The following PSMA5 variants were observed in gnomAD, a reference collection of about 807,000 sequenced individuals.
The protein encoded by PSMA5 is proteasome 20S subunit alpha 5.
In PSMA5, 3 loss-of-function variants were observed where a neutral mutation model predicts 34.5. That is an observed-to-expected ratio of 0.09 (90% confidence interval 0.04 to 0.22). PSMA5 has a LOEUF of 0.22. PSMA5 is among the 10% of genes least tolerant of loss of function. The probability of loss-of-function intolerance (pLI) is 1.00; values close to 1 mark genes in which losing one functional copy is unlikely to be tolerated. For synonymous variants in PSMA5, 88 were observed against 95.8 expected (o/e 0.92, Z 0.47); for missense variants, 120 against 286.1 (o/e 0.42, Z 4.19).
Position 109,409,988 on chromosome 1 carries a change from C to A in PSMA5, c.588G>T (p.Lys196Asn). The change falls in exon 8 of 9, where the codon AAG becomes AAT. Residue 196 changes from lysine to asparagine, a missense_variant. By Grantham distance (94) the Lys-to-Asn change is moderately conservative. Coordinates refer to ENST00000271308, the MANE Select transcript of PSMA5 (RefSeq NM_002790.4). ...CTTGTTTGAGGATGATGAGTGAAGACTTGATGGCTTCTTTCAAAGTCATAG... is the reference window on the plus strand; with the variant it reads ...CTTGTTTGAGGATGATGAGTGAAGAATTGATGGCTTCTTTCAAAGTCATAG... ...HKSMTLKEAIKSSLIILKQVM... is the reference protein window; with the variant it reads ...HKSMTLKEAINSSLIILKQVM... 6.2e-7 allele frequency: 1 copy of A among 1,608,002 alleles called. No homozygotes were observed. The highest frequency in any genetic ancestry group is 8.5e-7 in the Non-Finnish European group (1 of 1,175,448).
chr1:109,410,100 A>G (rs187322291), intron 7 of PSMA5, 86 bp from the exon 8 acceptor site: 1 of 879,494 alleles, frequency 1.1e-6, no homozygotes, highest in East Asian at 2.5e-5. Flanking sequence ...CTCACTGAAA[A>G]AAGTATTTAG....
At chr1:109,402,309 T>G (rs1268749777) in intron 8 of PSMA5, among the ~76,000 whole-genome samples, 1 of 152,234 alleles carries the variant, frequency 6.6e-6, no homozygotes, top group Non-Finnish European at 1.5e-5. Flanking sequence ...TAAGGTTAAC[T>G]CACCACATCA....
intron 1 of PSMA5, 192 bp downstream of exon 1, chr1:109,426,110 T>C (rs2100979329): frequency 4.4e-6 from 3 of 686,982 alleles, no homozygotes; most frequent in East Asian, 2.7e-5. Context: ...GACTCAGCGG[T>C]AGGACAAGTG....
chr1:109,425,982 G>A (rs77433922), intron 1 of PSMA5: 321 of 508,820 alleles, frequency 6.3e-4, no homozygotes, highest in African/African-American at 5.5e-3. Context: ...GATGAACGGA[G>A]CAAAGAGTGA....
At chr1:109,419,206 T>C (rs1383520934) in intron 2 of PSMA5, among the ~76,000 whole-genome samples, 5 of 152,140 alleles carry the variant, frequency 3.3e-5, no homozygotes, top group Admixed American at 1.3e-4. Context: ...AAATGGGTTC[T>C]ACCAAATTGA....
chr1:109,412,158 T>C lies in PSMA5; in HGVS notation c.318A>G (p.Thr106=). 1 of 1,614,062 alleles carries C rather than the reference T, an allele frequency of 6.2e-7. No individual in the cohort carries two copies. The highest frequency in any genetic ancestry group is 8.5e-7 in the Non-Finnish European group (1 of 1,179,920). The change falls in exon 5 of 9, where the codon ACA becomes ACG. Residue 106 remains threonine (T), a synonymous_variant. Coordinates refer to ENST00000271308, the MANE Select transcript of PSMA5 (RefSeq NM_002790.4). ...TQNHWFTYNE[T]MTVESVTQAV... Reference sequence around the variant, plus strand: ...CTTGGGTCACACTCTCCACTGTCATTGTCTCATTGTAGGTGAACCAGTGGT... The same window carrying C: ...CTTGGGTCACACTCTCCACTGTCATCGTCTCATTGTAGGTGAACCAGTGGT...
chr1:109,401,954 A>G lies in PSMA5; in HGVS notation c.*59T>C, dbSNP rs1653549100. 3 of 1,345,650 alleles carry G rather than the reference A, an allele frequency of 2.2e-6. No homozygotes were observed. The highest frequency in any genetic ancestry group is 1.5e-5 in the African/African-American group (1 of 68,364). 83.4% of individuals were successfully genotyped at this position (1,345,650 alleles called of 1,614,324 possible). Reference sequence around the variant, plus strand: ...CCAAGGAACAGGAGCTGGAAATAAAATTTAAGGACATTATTAGAACTGAAA... The same window carrying G: ...CCAAGGAACAGGAGCTGGAAATAAAGTTTAAGGACATTATTAGAACTGAAA... On this transcript the variant is annotated 3_prime_UTR_variant, in exon 9 of 9. Transcript: ENST00000271308.
chr1:109,424,938 G>C lies in PSMA5; in HGVS notation c.29+1364C>G, dbSNP rs184182756. Among the ~76,000 whole-genome samples, 745 of 152,240 alleles carry C rather than the reference G, an allele frequency of 4.9e-3. 5 individuals are homozygous for C. Among genetic ancestry groups the C allele is most frequent in the Non-Finnish European group, 8.0e-3 (544 of 68,034 alleles). ...GGAGGCGGAGGTTGCAGTGAGCCGA[G>C]ATCATGCCACTGCACTGCAGCCTGG... On this transcript the variant is annotated intron_variant, in intron 1 of 8. Transcript: ENST00000271308.
In PSMA5 at chr1:109,420,992, G is replaced by C. The variant is rs985474675; in HGVS notation, c.96+868C>G. Among the ~76,000 whole-genome samples, 33 of 144,514 alleles carry C rather than the reference G, an allele frequency of 2.3e-4. 1 individual carries two copies. The highest frequency in any genetic ancestry group is 8.6e-4 in the African/African-American group (33 of 38,274). The allele number at this position is 144,514 out of a possible 152,430, so 94.8% of individuals were successfully genotyped here. On this transcript the variant is annotated intron_variant, in intron 2 of 8. Coordinates refer to ENST00000271308, the MANE Select transcript of PSMA5 (RefSeq NM_002790.4). The stretch of plus-strand genomic sequence containing the variant: ...GCCCAGGAGTTTGAGACCAACTTGG[G>C]CAACATAGCAAGACCACATCTCTAC...
intron 3 of PSMA5, among the ~76,000 whole-genome samples, chr1:109,413,804 C>A (rs1005091133): frequency 6.6e-6 from 1 of 152,202 alleles, no homozygotes. Flanking sequence ...TTGGCCCTCA[C>A]AATCAATCAG....
intron 8 of PSMA5, among the ~76,000 whole-genome samples, chr1:109,405,229 G>A (rs190841386): frequency 1.3e-5 from 2 of 152,212 alleles, no homozygotes; most frequent in Admixed American, 1.3e-4. Flanking sequence ...TTACCTGTTG[G>A]CCCTACCGTC....
rs367591320 is a variant in PSMA5 at position 109,412,188 on chromosome 1, G to C, written c.292-4C>G. On this transcript the variant is annotated splice_region_variant and splice_polypyrimidine_tract_variant and intron_variant, in intron 4 of 8. Coordinates refer to ENST00000271308, the MANE Select transcript of PSMA5 (RefSeq NM_002790.4). The stretch of plus-strand genomic sequence containing the variant: ...CATTGTAGGTGAACCAGTGGTTCTA[G>C]AAGAAGAGCAAAGCATGGTACAACC... 9 of 1,609,578 alleles carry C rather than the reference G, an allele frequency of 5.6e-6. No homozygotes were observed. Among genetic ancestry groups the C allele is most frequent in the Non-Finnish European group, 7.7e-6 (9 of 1,175,992 alleles).
intron 8 of PSMA5, among the ~76,000 whole-genome samples, chr1:109,406,771 G>A (rs558829890): frequency 2.0e-4 from 31 of 152,180 alleles, no homozygotes; most frequent in Admixed American, 1.1e-3. Flanking sequence ...AAAGGGACAT[G>A]AGAGAACTTT....
intron 5 of PSMA5, 70 bp downstream of exon 5, chr1:109,412,007 T>TA (rs1654009238): frequency 6.3e-7 from 1 of 1,583,746 alleles, no homozygotes; most frequent in African/African-American, 1.3e-5. Context: ...CTGGGAATGT[T>TA]ATGTTCACAG....
chr1:109,415,204 G>A, intron 3 of PSMA5, 33 bp downstream of exon 3: 1 of 1,602,100 alleles, frequency 6.2e-7, no homozygotes, highest in Non-Finnish European at 8.5e-7. Context: ...ACCCAGACCA[G>A]ATCCTACAGA....
rs1389418352 is a variant in PSMA5, at chr1:109,411,122, C to T, written c.459-9G>A. The T allele has an allele frequency of 2.5e-6, 4 of 1,602,940 alleles. No homozygotes were observed. The highest frequency in any genetic ancestry group is 3.4e-6 in the Non-Finnish European group (4 of 1,172,008). ...ATGGGTCCATATGAAACCTGCAAAA[C>T]CCCCAAAATGAGGACTAAAATGCTC... On this transcript the variant is annotated splice_polypyrimidine_tract_variant and intron_variant, in intron 6 of 8. Transcript: ENST00000271308.
At chr1:109,415,581 T>C (rs1271977151) in intron 2 of PSMA5, among the ~76,000 whole-genome samples, 2 of 152,192 alleles carry the variant, frequency 1.3e-5, no homozygotes, top group Admixed American at 6.5e-5. Flanking sequence ...TTCTAAAAAG[T>C]TCTTTTTTCT....
chr1:109,421,018 C>CAA (rs60663577), intron 2 of PSMA5, among the ~76,000 whole-genome samples: 32 of 87,698 alleles, frequency 3.6e-4, no homozygotes, highest in African/African-American at 1.1e-3. Context: ...ACATCTCTAC[C>CAA]AAAAAAAAAA....
chr1:109,418,223 GCTC>G (rs1366583270), intron 2 of PSMA5, among the ~76,000 whole-genome samples: 1 of 152,024 alleles, frequency 6.6e-6, no homozygotes, highest in African/African-American at 2.4e-5. Flanking sequence ...CAAAAGAAAT[GCTC>G]CTCATGACCA....
Sources: gnomAD v4.1 joint callset for allele counts (sites outside exome capture counted in the v4.1 genomes callset) on GRCh38, gnomAD v4.1.1 for gene constraint, MANE v1.5 for transcripts, NCBI Gene and HGNC (gene_info 2026-07-23, HGNC 2026-07-21) for gene names.